ADAM10: variants seen among roughly 807,000 people sequenced by gnomAD.
ADAM10 encodes disintegrin and metalloproteinase domain-containing protein 10.
Under a neutral mutation model 90.1 loss-of-function variants are expected in ADAM10, and 17 were observed. That is an observed-to-expected ratio of 0.19 (90% confidence interval 0.13 to 0.28). The LOEUF is 0.28. ADAM10 is among the 10% of genes least tolerant of loss of function. ADAM10 has a pLI of 1.00. For synonymous variants in ADAM10, 310 were observed against 298.6 expected (o/e 1.04, Z -0.40); for missense variants, 610 against 914.3 (o/e 0.67, Z 4.29).
At chr15:58,686,275 T>G (rs999220373) in intron 2 of ADAM10, 6 of 580,022 alleles carry the variant, frequency 1.0e-5, no homozygotes, top group Non-Finnish European at 1.8e-5. Context: ...CAGACTTTGT[T>G]GTCATTTAAT....
intron 8 of ADAM10, among the ~76,000 whole-genome samples, chr15:58,635,776 C>T (rs928721001): frequency 7.0e-6 from 1 of 142,184 alleles, no homozygotes; most frequent in Admixed American, 7.1e-5. Context: ...CTCCACACTT[C>T]AAATCTTTAT....
intron 2 of ADAM10, among the ~76,000 whole-genome samples, chr15:58,683,479 C>T (rs756736854): frequency 1.9e-4 from 29 of 152,220 alleles, no homozygotes; most frequent in Non-Finnish European, 3.8e-4. Flanking sequence ...GCCTTTGATA[C>T]AAGAATTCCA....
At chr15:58,630,509 T>A (rs1433387963) in intron 9 of ADAM10, among the ~76,000 whole-genome samples, 4 of 152,226 alleles carry the variant, frequency 2.6e-5, no homozygotes, top group Non-Finnish European at 5.9e-5. Context: ...GAAGTGGCAT[T>A]ATTAGAACTG....
intron 1 of ADAM10, among the ~76,000 whole-genome samples, chr15:58,728,472 G>C (rs1242970446): frequency 6.6e-6 from 1 of 151,750 alleles, no homozygotes; most frequent in East Asian, 1.9e-4. Context: ...GGCCAGGTGT[G>C]GTGGCTCACA....
At chr15:58,740,351 G>T (rs1899566703) in intron 1 of ADAM10, among the ~76,000 whole-genome samples, 1 of 151,882 alleles carries the variant, frequency 6.6e-6, no homozygotes, top group African/African-American at 2.4e-5. Flanking sequence ...AGGGGCTGCA[G>T]TGAGCCAAGA....
At chr15:58,710,849 C>CT (rs1898450343) in intron 2 of ADAM10, among the ~76,000 whole-genome samples, 1 of 152,192 alleles carries the variant, frequency 6.6e-6, no homozygotes, top group African/African-American at 2.4e-5. Flanking sequence ...TTCTCAAAGT[C>CT]TGCTGGTTTG....
chr15:58,730,218 G>A (rs575540902), intron 1 of ADAM10, among the ~76,000 whole-genome samples: 16 of 152,184 alleles, frequency 1.1e-4, no homozygotes, highest in African/African-American at 3.4e-4. Flanking sequence ...TACACCATGG[G>A]TGCTACCATT....
intron 10 of ADAM10, among the ~76,000 whole-genome samples, chr15:58,625,583 GAA>G: frequency 6.6e-6 from 1 of 152,286 alleles, no homozygotes; most frequent in East Asian, 1.9e-4. Flanking sequence ...GGCCACCCTG[GAA>G]AAGAGTTTGG....
chr15:58,735,121 T>C (rs1315454163), intron 1 of ADAM10, among the ~76,000 whole-genome samples: 1 of 152,152 alleles, frequency 6.6e-6, no homozygotes, highest in African/African-American at 2.4e-5. Context: ...TATTCACCCA[T>C]CTCTATCTGA....
intron 4 of ADAM10, chr15:58,672,954 G>C (rs1335465149): frequency 4.7e-6 from 1 of 210,636 alleles, no homozygotes; most frequent in Non-Finnish European, 1.0e-5. Flanking sequence ...TGCAGTGTTT[G>C]TCCTTGTTTA....
At chr15:58,654,964 T>A (rs1896773005) in intron 5 of ADAM10, among the ~76,000 whole-genome samples, 1 of 152,196 alleles carries the variant, frequency 6.6e-6, no homozygotes, top group Non-Finnish European at 1.5e-5. Flanking sequence ...AAATGTGTAT[T>A]CTGCAGCCAT....
At position 58,589,461 on chromosome 15, in the gene ADAM10, C is replaced by G. The variant is rs1041525435; in HGVS notation, c.*8086G>C. 3 of 152,226 alleles carry G rather than the reference C, an allele frequency of 2.0e-5. No homozygotes were observed. Among genetic ancestry groups the G allele is most frequent in the African/African-American group, 7.2e-5 (3 of 41,448 alleles). The allele number at this position is 152,226 out of a possible 1,614,324, so 9.4% of individuals were successfully genotyped here. Reference sequence around the variant, plus strand: ...ACCTACCATGCTCGATATGCACTTCCTCTGAGCTACCAGGGCATCCTGTGT... The same window carrying G: ...ACCTACCATGCTCGATATGCACTTCGTCTGAGCTACCAGGGCATCCTGTGT... On this transcript the variant is annotated 3_prime_UTR_variant, in exon 16 of 16. Transcript: ENST00000260408.
At chr15:58,673,166 G>T (rs987394783) in intron 4 of ADAM10, among the ~76,000 whole-genome samples, 1 of 152,186 alleles carries the variant, frequency 6.6e-6, no homozygotes, top group Non-Finnish European at 1.5e-5. Flanking sequence ...AGGACAGACA[G>T]ACGGACAGAC....
chr15:58,739,427 G>C (rs1360222401), intron 1 of ADAM10, among the ~76,000 whole-genome samples: 2 of 151,738 alleles, frequency 1.3e-5, no homozygotes, highest in Non-Finnish European at 2.9e-5. Context: ...TGAGGCAGAA[G>C]AACGGCATGA....
chr15:58,621,262 CAAAAAAAAAA>C lies in ADAM10; in HGVS notation c.1511+199_1511+208del, dbSNP rs749439192. On this transcript the variant is annotated intron_variant, in intron 11 of 15. Transcript: ENST00000260408. ...TGGGCAACAGAGCGAGACCCTGTCT[CAAAAAAAAAA>C]AAAAAAAAAAAAAAAAAAGTAGTTC... 3.7e-3 allele frequency among the ~76,000 whole-genome samples: 94 copies of C among 25,276 alleles called. 1 individual carries two copies. The highest frequency in any genetic ancestry group is 0.027 in the Admixed American group (54 of 1,966). The allele number at this position is 25,276 out of a possible 152,430, so 16.6% of individuals were successfully genotyped here.
intron 2 of ADAM10, among the ~76,000 whole-genome samples, chr15:58,699,995 T>C (rs930670530): frequency 6.6e-6 from 1 of 151,710 alleles, no homozygotes; most frequent in African/African-American, 2.4e-5. Flanking sequence ...AGACTGAAAG[T>C]AAAGAGATGG....
chr15:58,626,267 A>G (rs1287049167), intron 10 of ADAM10, among the ~76,000 whole-genome samples: 4 of 152,190 alleles, frequency 2.6e-5, no homozygotes, highest in African/African-American at 9.7e-5. Context: ...AACTGAGTGA[A>G]GGGTACAGGG....
In ADAM10 at chr15:58,592,155, C is replaced by A. The variant is rs1894838421; in HGVS notation, c.*5392G>T. 6.6e-6 allele frequency: 1 copy of A among 152,176 alleles called. No individual in the cohort carries two copies. The highest frequency in any genetic ancestry group is 6.5e-5 in the Admixed American group (1 of 15,280). The allele number at this position is 152,176 out of a possible 1,614,324, so 9.4% of individuals were successfully genotyped here. A position where few individuals can be genotyped will look rare whatever the true frequency, so the allele number is the denominator to read the frequency against. On this transcript the variant is annotated 3_prime_UTR_variant, in exon 16 of 16. Coordinates refer to ENST00000260408, the MANE Select transcript of ADAM10 (RefSeq NM_001110.4). Reference sequence around the variant, plus strand: ...TGAGATGTGACTTTTGGCAGAACTGCTTCATAGGTGGTATATGTACTTCCA... The same window carrying A: ...TGAGATGTGACTTTTGGCAGAACTGATTCATAGGTGGTATATGTACTTCCA...
chr15:58,664,387 A>G (rs952951490), intron 5 of ADAM10, among the ~76,000 whole-genome samples: 1 of 152,102 alleles, frequency 6.6e-6, no homozygotes, highest in Non-Finnish European at 1.5e-5. Context: ...CAGAAGATCA[A>G]TATGTACTTC....
Sources: gnomAD v4.1 joint callset for allele counts (sites outside exome capture counted in the v4.1 genomes callset) on GRCh38, gnomAD v4.1.1 for gene constraint, MANE v1.5 for transcripts, NCBI Gene and HGNC (gene_info 2026-07-23, HGNC 2026-07-21) for gene names.